The following CDK14 variants were observed in gnomAD, a reference collection of about 807,000 sequenced individuals.
The protein encoded by CDK14 is cyclin dependent kinase 14.
CDK14 carries 34 observed loss-of-function variants against 60.7 expected under a neutral mutation model. The ratio of observed to expected loss-of-function variants is 0.56; its 90% CI spans 0.43 to 0.75. The LOEUF (loss-of-function observed/expected upper bound fraction) is 0.75, where lower values mean the gene tolerates loss of function less well. Ranked by LOEUF, CDK14 falls within the 30% of genes least tolerant of loss-of-function variation. CDK14 has a pLI of 0.00. For missense variants in CDK14, 482 were observed against 564.1 expected, an observed-to-expected ratio of 0.85 and a Z score of 1.47; for synonymous variants, 197 against 203.7, an observed-to-expected ratio of 0.97 and a Z score of 0.28.
At chr7:91,126,694 A>AGAGCC (rs1274364054) in intron 14 of CDK14, among the ~76,000 whole-genome samples, 1 of 152,222 alleles carries the variant, frequency 6.6e-6, no homozygotes, top group Non-Finnish European at 1.5e-5. Flanking sequence ...CAGTAATTAC[A>AGAGCC]GAGCCAGGCA....
At position 90,637,644 on chromosome 7, in the gene CDK14, A is replaced by G. The variant is rs1438644067; in HGVS notation, c.123+33395A>G. Among the ~76,000 whole-genome samples the G allele has an allele frequency of 1.1e-4, 16 of 151,630 alleles. 1 individual carries two copies. The highest frequency in any genetic ancestry group is 2.9e-5 in the Non-Finnish European group (2 of 67,984). On this transcript the variant is annotated intron_variant, in intron 2 of 14. Transcript: ENST00000380050. ...GGGGTGGAGAGTTCTGTAGATGTCT[A>G]TTAGGTCCACTTGGTGCAGAGCTGA...
chr7:90,776,757 A>G (rs548982313), intron 4 of CDK14, among the ~76,000 whole-genome samples: 1 of 152,334 alleles, frequency 6.6e-6, no homozygotes, highest in South Asian at 2.1e-4. Context: ...TGACTGTTGC[A>G]CAGAATTTTA....
chr7:90,666,701 G>T (rs117330006), intron 2 of CDK14, among the ~76,000 whole-genome samples: 1,891 of 152,310 alleles, frequency 0.012, 12 homozygotes, highest in Admixed American at 0.02. Context: ...TCTTAGGAAG[G>T]AAGGTCCTGA....
intron 10 of CDK14, among the ~76,000 whole-genome samples, chr7:90,994,421 C>A (rs1795622263): frequency 6.6e-6 from 1 of 152,210 alleles, no homozygotes; most frequent in Non-Finnish European, 1.5e-5. Flanking sequence ...CAGTAACTCT[C>A]TCCTGGTCAG....
chr7:91,105,678 A>G (rs1440106634), intron 12 of CDK14, among the ~76,000 whole-genome samples: 1 of 152,210 alleles, frequency 6.6e-6, no homozygotes, highest in East Asian at 1.9e-4. Flanking sequence ...TATAAAGCAT[A>G]TGAGGAAAAA....
chr7:91,202,268 T>C (rs1018663774), intron 14 of CDK14, among the ~76,000 whole-genome samples: 2 of 152,202 alleles, frequency 1.3e-5, no homozygotes, highest in African/African-American at 2.4e-5. Context: ...TATGTAGATA[T>C]TTCTGAATAA....
chr7:90,796,256 A>G (rs920134293), intron 5 of CDK14, among the ~76,000 whole-genome samples: 1 of 152,214 alleles, frequency 6.6e-6, no homozygotes, highest in Non-Finnish European at 1.5e-5. Context: ...ATATTCAGAT[A>G]GGATATCAAT....
chr7:90,853,856 T>C (rs576313037), intron 5 of CDK14, among the ~76,000 whole-genome samples: 1 of 152,188 alleles, frequency 6.6e-6, no homozygotes, highest in South Asian at 2.1e-4. Context: ...GACTTTGATG[T>C]AGTTGGTTGG....
intron 5 of CDK14, among the ~76,000 whole-genome samples, chr7:90,801,902 C>T (rs540671746): frequency 9.9e-5 from 15 of 152,274 alleles, no homozygotes; most frequent in Non-Finnish European, 2.1e-4. Context: ...CTATCACCTT[C>T]CCAGTGGAGA....
At chr7:90,788,046 C>T (rs936726789) in intron 4 of CDK14, among the ~76,000 whole-genome samples, 1 of 152,174 alleles carries the variant, frequency 6.6e-6, no homozygotes, top group African/African-American at 2.4e-5. Context: ...TTCAAGTACA[C>T]AACCTACAGA....
intron 8 of CDK14, among the ~76,000 whole-genome samples, chr7:90,925,029 C>A (rs1188659437): frequency 6.6e-6 from 1 of 152,096 alleles, no homozygotes; most frequent in Non-Finnish European, 1.5e-5. Context: ...ATTTTCAATA[C>A]ATGTCTGAAA....
intron 14 of CDK14, among the ~76,000 whole-genome samples, chr7:91,124,730 C>A (rs1799890704): frequency 6.6e-6 from 1 of 152,100 alleles, no homozygotes; most frequent in Admixed American, 6.6e-5. Context: ...TTCTTAGGGA[C>A]TATTTAGCCA....
chr7:90,837,082 C>G (rs1790127848), intron 5 of CDK14, among the ~76,000 whole-genome samples: 1 of 152,150 alleles, frequency 6.6e-6, no homozygotes, highest in African/African-American at 2.4e-5. Flanking sequence ...CTGGCACTTG[C>G]TCCAGAGTAG....
chr7:91,071,095 AG>A (rs1298016670), intron 11 of CDK14, among the ~76,000 whole-genome samples: 1 of 152,256 alleles, frequency 6.6e-6, no homozygotes, highest in African/African-American at 2.4e-5. Flanking sequence ...AATAAATTCC[AG>A]ATAGTAAAGC....
rs780681256 is a variant in CDK14 at position 90,726,712 on chromosome 7, T to C, written c.269T>C (p.Val90Ala). 4 of 1,613,684 alleles carry C rather than the reference T, an allele frequency of 2.5e-6. No homozygotes were observed. Among genetic ancestry groups the C allele is most frequent in the Non-Finnish European group, 3.4e-6 (4 of 1,179,802 alleles). Residue 90 changes from valine to alanine, a missense_variant, in exon 3 of 15, where the codon GTA becomes GCA. Transcript: ENST00000380050. ...FDPFEKPANQVKRVHSENNAC... is the reference protein window; with the variant it reads ...FDPFEKPANQAKRVHSENNAC... ...CCATTTGAGAAACCAGCTAATCAAGTAAAGAGGGTGCATTCTGAGAACAAT... is the reference window on the plus strand; with the variant it reads ...CCATTTGAGAAACCAGCTAATCAAGCAAAGAGGGTGCATTCTGAGAACAAT...
At chr7:91,194,916 A>T (rs1438347210) in intron 14 of CDK14, among the ~76,000 whole-genome samples, 1 of 152,230 alleles carries the variant, frequency 6.6e-6, no homozygotes, top group African/African-American at 2.4e-5. Flanking sequence ...ACAAATGAAC[A>T]GTAAAAAAAC....
intron 3 of CDK14, among the ~76,000 whole-genome samples, chr7:90,732,169 C>G (rs938821130): frequency 1.3e-5 from 2 of 152,170 alleles, no homozygotes; most frequent in African/African-American, 4.8e-5. Flanking sequence ...TTCAACCAAC[C>G]TTGCATTCCA....
At chr7:90,804,324 GA>G (rs1788747713) in intron 5 of CDK14, among the ~76,000 whole-genome samples, 1 of 151,894 alleles carries the variant, frequency 6.6e-6, no homozygotes, top group Non-Finnish European at 1.5e-5. Context: ...CTTTTACCTG[GA>G]AAAAAGATCT....
intron 12 of CDK14, among the ~76,000 whole-genome samples, chr7:91,095,459 C>A (rs1798954715): frequency 1.3e-5 from 2 of 152,206 alleles, no homozygotes; most frequent in African/African-American, 2.4e-5. Context: ...TGTTTTGAAC[C>A]TACCAATTTC....
Sources: gnomAD v4.1 joint callset for allele counts (sites outside exome capture counted in the v4.1 genomes callset) on GRCh38, gnomAD v4.1.1 for gene constraint, MANE v1.5 for transcripts, NCBI Gene and HGNC (gene_info 2026-07-23, HGNC 2026-07-21) for gene names.